NMNAT3: variants seen among roughly 807,000 people sequenced by gnomAD.
NMNAT3 encodes the protein nicotinamide nucleotide adenylyltransferase 3.
NMNAT3 carries 21 observed loss-of-function variants against 24.8 expected under a neutral mutation model. That is an observed-to-expected ratio of 0.85 (90% CI 0.60 to 1.22). The LOEUF is 1.22. Among genes scored for constraint, NMNAT3 ranks in the 50% most tolerant of loss-of-function variants. The pLI, the probability that NMNAT3 is intolerant of heterozygous loss-of-function variation, is 0.00. For synonymous variants in NMNAT3, 136 were observed against 155.2 expected (o/e 0.88, Z 0.92); for missense variants, 387 against 436.6 (o/e 0.89, Z 1.01).
intron 4 of NMNAT3, among the ~76,000 whole-genome samples, chr3:139,582,639 CAAAAA>C (rs58495559): frequency 1.7e-5 from 1 of 57,476 alleles, no homozygotes; most frequent in South Asian, 9.9e-4. Context: ...GGGACTGTCT[CAAAAA>C]AAAAAAAAAA....
At chr3:139,576,679 A>G (rs550815013) in intron 5 of NMNAT3, among the ~76,000 whole-genome samples, 2 of 152,292 alleles carry the variant, frequency 1.3e-5, no homozygotes, top group Non-Finnish European at 2.9e-5. Flanking sequence ...GACCAATGAC[A>G]TGGGTACTTT....
intron 2 of NMNAT3, among the ~76,000 whole-genome samples, chr3:139,634,072 C>A (rs1315218820): frequency 1.3e-5 from 2 of 152,194 alleles, no homozygotes; most frequent in African/African-American, 2.4e-5. Flanking sequence ...CTTGGCTCAC[C>A]ACGTAATGTG....
chr3:139,630,946 A>G (rs1488164621), intron 2 of NMNAT3, among the ~76,000 whole-genome samples: 1 of 152,116 alleles, frequency 6.6e-6, no homozygotes, highest in Non-Finnish European at 1.5e-5. Flanking sequence ...CAAAATATAC[A>G]TTGTTAGCAC....
At chr3:139,638,293 A>T (rs2056577668) in intron 1 of NMNAT3, among the ~76,000 whole-genome samples, 1 of 152,122 alleles carries the variant, frequency 6.6e-6, no homozygotes, top group African/African-American at 2.4e-5. Flanking sequence ...AAGGACCCTG[A>T]TTCCTGATTC....
intron 1 of NMNAT3, among the ~76,000 whole-genome samples, chr3:139,642,947 TTCTG>T (rs2056754855): frequency 6.6e-6 from 1 of 152,140 alleles, no homozygotes; most frequent in East Asian, 1.9e-4. Flanking sequence ...TTCCATCCAT[TTCTG>T]TCTATTAAAT....
chr3:139,567,359 C>G (rs1039708046), intron 6 of NMNAT3: 1 of 152,184 alleles, frequency 6.6e-6, no homozygotes, highest in African/African-American at 2.4e-5. Flanking sequence ...ATTTCCTTCT[C>G]CTGCCTGATT....
chr3:139,607,767 A>T (rs374345439), intron 3 of NMNAT3, among the ~76,000 whole-genome samples: 4 of 152,142 alleles, frequency 2.6e-5, no homozygotes, highest in East Asian at 1.9e-4. Flanking sequence ...CCCCTTTGCC[A>T]TTTCCCCATT....
rs1559890829 is a variant in NMNAT3 at position 139,596,937 on chromosome 3, TA to T, written c.110-13730del. 7.8e-4 allele frequency among the ~76,000 whole-genome samples: 62 copies of T among 79,976 alleles called. 2 individuals are homozygous for T. The highest frequency in any genetic ancestry group is 3.1e-3 in the African/African-American group (58 of 18,846). The allele number at this position is 79,976 out of a possible 152,430, so 52.5% of individuals were successfully genotyped here. A position where few individuals can be genotyped will look rare whatever the true frequency, so the allele number is the denominator to read the frequency against. On this transcript the variant is annotated intron_variant, in intron 3 of 6. Coordinates refer to ENST00000643695, the MANE Select transcript of NMNAT3 (RefSeq NM_001320510.2). ...GTGTGTATATATATATATATATATA[TA>T]TATATATATATATATATATATATAT...
At chr3:139,573,249 A>G (rs1309093687) in intron 6 of NMNAT3, among the ~76,000 whole-genome samples, 1 of 152,222 alleles carries the variant, frequency 6.6e-6, no homozygotes, top group Non-Finnish European at 1.5e-5. Flanking sequence ...CATATTTTAC[A>G]TTCAAAAAGG....
chr3:139,561,299 A>G lies in NMNAT3; in HGVS notation c.752T>C (p.Val251Ala), dbSNP rs1401758266. 1.2e-6 allele frequency: 2 copies of G among 1,614,062 alleles called. No homozygotes were observed. Among genetic ancestry groups the G allele is most frequent in the Non-Finnish European group, 1.7e-6 (2 of 1,180,004 alleles). The change falls in exon 7 of 7, where the codon GTG becomes GCG. Residue 251 changes from valine to alanine, a missense_variant. Physicochemically the swap from Val to Ala is moderately conservative, Grantham distance 64 (BLOSUM62 0). Transcript: ENST00000643695. ...CACGCACACCAAGCCAAACTTCTCCACTATTTCCTGGATGTGCGCATCCTT... is the reference window on the plus strand; with the variant it reads ...CACGCACACCAAGCCAAACTTCTCCGCTATTTCCTGGATGTGCGCATCCTT...
chr3:139,580,966 T>C (rs1301677952), intron 4 of NMNAT3, among the ~76,000 whole-genome samples: 4 of 152,192 alleles, frequency 2.6e-5, no homozygotes, highest in Non-Finnish European at 5.9e-5. Context: ...AGCTAAAAGG[T>C]TCATTTCTGA....
intron 6 of NMNAT3, chr3:139,568,330 G>A (rs1937552666): frequency 6.6e-6 from 1 of 152,090 alleles, no homozygotes; most frequent in Non-Finnish European, 1.5e-5. Context: ...GTGTTTTTGT[G>A]TCTCTATTTC....
chr3:139,608,870 T>G (rs1245021019), intron 3 of NMNAT3, among the ~76,000 whole-genome samples: 1 of 152,200 alleles, frequency 6.6e-6, no homozygotes, highest in Non-Finnish European at 1.5e-5. Context: ...TGTTGCCCTT[T>G]TATAACCACA....
At chr3:139,592,213 G>C (rs1032164047) in intron 3 of NMNAT3, among the ~76,000 whole-genome samples, 9 of 152,192 alleles carry the variant, frequency 5.9e-5, no homozygotes, top group Non-Finnish European at 1.0e-4. Context: ...GGAAGAAAGG[G>C]TATCAGCGAT....
At chr3:139,648,807 C>A (rs1258927826) in intron 1 of NMNAT3, among the ~76,000 whole-genome samples, 1 of 152,156 alleles carries the variant, frequency 6.6e-6, no homozygotes, top group Non-Finnish European at 1.5e-5. Flanking sequence ...GAGTGACGTA[C>A]TTCTACATAT....
chr3:139,574,735 A>G (rs1939038541), intron 5 of NMNAT3, among the ~76,000 whole-genome samples: 1 of 152,186 alleles, frequency 6.6e-6, no homozygotes, highest in Non-Finnish European at 1.5e-5. Context: ...CGTGGACCTC[A>G]TCTGTAAATT....
chr3:139,646,683 G>T (rs192777853), intron 1 of NMNAT3, among the ~76,000 whole-genome samples: 1 of 152,322 alleles, frequency 6.6e-6, no homozygotes, highest in East Asian at 1.9e-4. Context: ...CTAAATCCTA[G>T]AATGCACATG....
chr3:139,606,517 T>C (rs1029104051), intron 3 of NMNAT3, among the ~76,000 whole-genome samples: 7 of 152,192 alleles, frequency 4.6e-5, no homozygotes, highest in African/African-American at 1.7e-4. Context: ...TAAGTTAGTA[T>C]TTCCCCCTGC....
chr3:139,582,085 C>T (rs968808339), intron 4 of NMNAT3, among the ~76,000 whole-genome samples: 29 of 148,532 alleles, frequency 2.0e-4, no homozygotes, highest in African/African-American at 6.7e-4. Flanking sequence ...ATCCCAGCTG[C>T]TAGCAAGGCT....
Sources: gnomAD v4.1 joint callset for allele counts (sites outside exome capture counted in the v4.1 genomes callset) on GRCh38, gnomAD v4.1.1 for gene constraint, MANE v1.5 for transcripts, NCBI Gene and HGNC (gene_info 2026-07-23, HGNC 2026-07-21) for gene names.